The following METTL15 variants were observed in gnomAD, a reference collection of about 807,000 sequenced individuals.
The protein encoded by METTL15 is 12S rRNA N(4)-cytidine methyltransferase METTL15.
Under a neutral mutation model 38.3 loss-of-function variants are expected in METTL15, and 34 were observed. That is an observed-to-expected ratio of 0.89 (90% CI 0.68 to 1.18). The LOEUF is 1.18. Among genes scored for constraint, METTL15 ranks in the 50% most tolerant of loss-of-function variants. METTL15 has a pLI of 0.00. For synonymous variants in METTL15, 162 were observed against 170.9 expected (o/e 0.95, Z 0.41); for missense variants, 438 against 498.4 (o/e 0.88, Z 1.15).
Position 28,367,793 on chromosome 11 carries a change from G to A in METTL15, c.*358+5757G>A, listed in dbSNP as rs1850201062. Among the ~76,000 whole-genome samples, 3 of 152,144 alleles carry A rather than the reference G, an allele frequency of 2.0e-5. No homozygotes were observed. The South Asian group carries it at 6.2e-4, about 32-fold the overall frequency. ...ACAGAGGCCTAAGAAATAACACCAT[G>A]CATCTACAACTATCTGATCTTTGAA... is the stretch of plus-strand genomic sequence containing the variant. On this transcript the variant is annotated intron_variant and NMD_transcript_variant, in intron 5 of 7. Coordinates refer to the METTL15 transcript ENST00000532947.
intron 3 of METTL15, among the ~76,000 whole-genome samples, chr11:28,124,817 T>C (rs1236377409): frequency 6.6e-6 from 1 of 152,102 alleles, no homozygotes; most frequent in African/African-American, 2.4e-5. Flanking sequence ...ACCTCAGTTT[T>C]ATACCCCCTT....
At chr11:28,209,231 A>G (rs545538205) in intron 3 of METTL15, among the ~76,000 whole-genome samples, 2 of 152,090 alleles carry the variant, frequency 1.3e-5, no homozygotes, top group South Asian at 2.1e-4. Flanking sequence ...GTTTTATTTA[A>G]TCTACTTTTA....
intron 5 of METTL15, among the ~76,000 whole-genome samples, chr11:28,407,052 A>G (rs1314129170): frequency 6.6e-6 from 1 of 152,150 alleles, no homozygotes; most frequent in African/African-American, 2.4e-5. Flanking sequence ...ATCGTGGTCG[A>G]TAAGCTTTTG....
At chr11:28,339,957 G>A (rs1412237121) in intron 3 of METTL15, among the ~76,000 whole-genome samples, 2 of 152,082 alleles carry the variant, frequency 1.3e-5, no homozygotes, top group Admixed American at 1.3e-4. Context: ...ACTGTGATAA[G>A]CTCGGAATCC....
At chr11:28,287,137 A>G (rs1856302066) in intron 4 of METTL15, 1 of 158,084 alleles carries the variant, frequency 6.3e-6, no homozygotes. Context: ...ATATGTATAT[A>G]TATAGAGAGA....
chr11:28,292,975 G>A (rs1046351185), intron 5 of METTL15, among the ~76,000 whole-genome samples: 2 of 152,008 alleles, frequency 1.3e-5, no homozygotes, highest in Non-Finnish European at 2.9e-5. Flanking sequence ...AGATGAGTAG[G>A]TTGCAAAAAT....
chr11:28,466,914 C>T (rs1219273075), intron 6 of METTL15, among the ~76,000 whole-genome samples: 4 of 152,248 alleles, frequency 2.6e-5, no homozygotes, highest in Non-Finnish European at 5.9e-5. Flanking sequence ...GTTCAGAAAA[C>T]TACCACAGCA....
At chr11:28,222,364 A>C (rs1853276378) in intron 4 of METTL15, among the ~76,000 whole-genome samples, 1 of 152,192 alleles carries the variant, frequency 6.6e-6, no homozygotes, top group Admixed American at 6.5e-5. Context: ...TGCCCAGGAT[A>C]TAATCTCCTG....
chr11:28,492,202 G>A (rs1041818318), intron 6 of METTL15, among the ~76,000 whole-genome samples: 30 of 152,150 alleles, frequency 2.0e-4, no homozygotes, highest in African/African-American at 4.8e-4. Flanking sequence ...GCTAGTCTAA[G>A]CTTTGTAATT....
downstream of METTL15, among the ~76,000 whole-genome samples, chr11:28,334,799 T>C (rs765601341): frequency 1.2e-4 from 18 of 152,178 alleles, no homozygotes; most frequent in Non-Finnish European, 1.2e-4. Flanking sequence ...CAGCATAAAA[T>C]TTTAAAAACA....
At chr11:28,329,429 TTCTA>T (rs1160534930) in intron 6 of METTL15, among the ~76,000 whole-genome samples, 1 of 152,128 alleles carries the variant, frequency 6.6e-6, no homozygotes, top group Non-Finnish European at 1.5e-5. Flanking sequence ...ATTTGGGCTG[TTCTA>T]GGTGCCTTGC....
chr11:28,257,245 C>T (rs1313374206), intron 4 of METTL15, among the ~76,000 whole-genome samples: 2 of 152,142 alleles, frequency 1.3e-5, no homozygotes, highest in Non-Finnish European at 2.9e-5. Flanking sequence ...ACTGAAAAGT[C>T]TGCTGCTAGT....
At chr11:28,423,084 C>T (rs956094889) in intron 5 of METTL15, among the ~76,000 whole-genome samples, 5 of 151,874 alleles carry the variant, frequency 3.3e-5, no homozygotes, top group Non-Finnish European at 7.4e-5. Flanking sequence ...AAATGGCAAA[C>T]AGGTATATAA....
At position 28,478,504 on chromosome 11, in the gene METTL15, C is replaced by A. The variant is rs765639811; in HGVS notation, c.*425-47974C>A. Among the ~76,000 whole-genome samples, 19 of 152,164 alleles carry A rather than the reference C, an allele frequency of 1.2e-4. 1 individual carries two copies. The highest frequency in any genetic ancestry group is 1.1e-3 in the Admixed American group (17 of 15,272). On this transcript the variant is annotated intron_variant and NMD_transcript_variant, in intron 6 of 7. Transcript: ENST00000532947. ...TGGTTTCTGTCTGTATTGTTTGTAT[C>A]TACTAAATTTCAGTGTTACCTTCCT... is the stretch of plus-strand genomic sequence containing the variant.
intron 3 of METTL15, among the ~76,000 whole-genome samples, chr11:28,210,405 G>A (rs577268957): frequency 5.3e-5 from 8 of 151,482 alleles, no homozygotes; most frequent in African/African-American, 1.5e-4. Context: ...GGAATTTTGC[G>A]ACTTTAAGTA....
At chr11:28,205,379 A>G (rs1852287656) in intron 3 of METTL15, among the ~76,000 whole-genome samples, 1 of 151,306 alleles carries the variant, frequency 6.6e-6, no homozygotes, top group African/African-American at 2.4e-5. Context: ...TTCTTGCAAT[A>G]GTTTACTGAG....
chr11:28,262,621 A>G (rs188139971), intron 4 of METTL15, among the ~76,000 whole-genome samples: 1 of 152,194 alleles, frequency 6.6e-6, no homozygotes, highest in African/African-American at 2.4e-5. Context: ...TTCTCTTCTC[A>G]CTTTCTAGGT....
At chr11:28,339,940 A>T (rs1324574872) in intron 3 of METTL15, among the ~76,000 whole-genome samples, 1 of 152,150 alleles carries the variant, frequency 6.6e-6, no homozygotes, top group Non-Finnish European at 1.5e-5. Flanking sequence ...GTTGTCTGGT[A>T]AAAAGAACTG....
intron 5 of METTL15, among the ~76,000 whole-genome samples, chr11:28,411,219 G>A (rs1850721540): frequency 6.6e-6 from 1 of 151,788 alleles, no homozygotes; most frequent in South Asian, 2.1e-4. Context: ...AATTCTAATG[G>A]TGCTCTTCAC....
Sources: allele counts gnomAD v4.1 joint callset (sites outside exome capture counted in the v4.1 genomes callset), GRCh38; gene constraint gnomAD v4.1.1; transcripts MANE v1.5; gene names NCBI Gene and HGNC (gene_info 2026-07-23, HGNC 2026-07-21).